The following AUTS2 variants were observed in gnomAD, a reference collection of about 807,000 sequenced individuals.
AUTS2 encodes autism susceptibility gene 2 protein.
Under a neutral mutation model 112.4 loss-of-function variants are expected in AUTS2, and 17 were observed. The observed-to-expected ratio is 0.15, with a 90% CI of 0.10 to 0.23. AUTS2 has a LOEUF of 0.23. Among genes scored for constraint, AUTS2 ranks in the 10% least tolerant of loss-of-function variants. The probability of loss-of-function intolerance (pLI) is 1.00; values close to 1 mark genes in which losing one functional copy is unlikely to be tolerated. For missense variants in AUTS2, 1,510 were observed against 1,701.6 expected (o/e 0.89, Z 1.98); for synonymous variants, 751 against 702.7 (o/e 1.07, Z -1.09).
chr7:69,786,264 C>T (rs1273399959), intron 1 of AUTS2, among the ~76,000 whole-genome samples: 2 of 152,222 alleles, frequency 1.3e-5, no homozygotes, highest in Non-Finnish European at 2.9e-5. Flanking sequence ...ATGCACCAAT[C>T]AGCACTCTGT....
chr7:69,855,102 G>A (rs564802700), intron 1 of AUTS2, among the ~76,000 whole-genome samples: 3 of 152,110 alleles, frequency 2.0e-5, no homozygotes, highest in South Asian at 2.1e-4. Flanking sequence ...TACCCCTTAC[G>A]CTGAATGCTG....
chr7:70,768,211 C>T (rs1790059033), intron 10 of AUTS2, 143 bp downstream of exon 10: 3 of 778,092 alleles, frequency 3.9e-6, no homozygotes, highest in African/African-American at 1.8e-5. Flanking sequence ...TGGATGCTTG[C>T]TTTTGTGGTG....
chr7:70,523,623 G>T (rs1799729588), intron 5 of AUTS2, among the ~76,000 whole-genome samples: 3 of 152,196 alleles, frequency 2.0e-5, no homozygotes, highest in Admixed American at 2.0e-4. Flanking sequence ...GTCTAGTGTG[G>T]CATTCAGACT....
chr7:69,948,032 A>G (rs1182968183), intron 2 of AUTS2, among the ~76,000 whole-genome samples: 2 of 152,224 alleles, frequency 1.3e-5, no homozygotes, highest in South Asian at 2.1e-4. Context: ...GCGAAGTCCT[A>G]TGTCTACATA....
chr7:70,479,889 G>A (rs1246337234), intron 5 of AUTS2, among the ~76,000 whole-genome samples: 2 of 152,214 alleles, frequency 1.3e-5, no homozygotes, highest in East Asian at 3.8e-4. Flanking sequence ...AAAGGTAAGT[G>A]CAGGACAGAT....
At chr7:69,990,730 T>C (rs528979042) in intron 2 of AUTS2, among the ~76,000 whole-genome samples, 1 of 152,330 alleles carries the variant, frequency 6.6e-6, no homozygotes, top group South Asian at 2.1e-4. Flanking sequence ...TGGGTATCCC[T>C]TATCTGAAGT....
At chr7:70,483,053 T>A (rs1160806338) in intron 5 of AUTS2, among the ~76,000 whole-genome samples, 1 of 152,068 alleles carries the variant, frequency 6.6e-6, no homozygotes, top group African/African-American at 2.4e-5. Context: ...GGGTTGGAGA[T>A]GGGGAGGGCA....
chr7:69,898,387 G>A (rs1156763595), intron 1 of AUTS2, among the ~76,000 whole-genome samples: 1 of 152,088 alleles, frequency 6.6e-6, no homozygotes, highest in Non-Finnish European at 1.5e-5. Context: ...GAGGATATTT[G>A]CATGTATGTG....
At chr7:70,368,618 A>G (rs1046642192) in intron 4 of AUTS2, among the ~76,000 whole-genome samples, 5 of 152,102 alleles carry the variant, frequency 3.3e-5, no homozygotes, top group Non-Finnish European at 7.4e-5. Context: ...CCCCTCAGAG[A>G]CCCAGCCTGA....
At chr7:69,992,913 C>G (rs1213175040) in intron 2 of AUTS2, among the ~76,000 whole-genome samples, 1 of 152,146 alleles carries the variant, frequency 6.6e-6, no homozygotes, top group Non-Finnish European at 1.5e-5. Flanking sequence ...TGTGGTTTCA[C>G]TAGAGTTATG....
chr7:69,746,005 C>T (rs1366417165), intron 1 of AUTS2, among the ~76,000 whole-genome samples: 1 of 152,008 alleles, frequency 6.6e-6, no homozygotes, highest in Non-Finnish European at 1.5e-5. Context: ...TCTTGAGTGG[C>T]TGAAACTACA....
chr7:69,915,483 T>C (rs1466464577), intron 2 of AUTS2, among the ~76,000 whole-genome samples: 1 of 152,172 alleles, frequency 6.6e-6, no homozygotes, highest in African/African-American at 2.4e-5. Context: ...CTCAGTGGCT[T>C]TCAAACTGCA....
intron 1 of AUTS2, among the ~76,000 whole-genome samples, chr7:69,707,927 T>A: frequency 6.6e-6 from 1 of 152,182 alleles, no homozygotes; most frequent in East Asian, 1.9e-4. Context: ...GCCATCCATT[T>A]TATGGTTTTG....
chr7:69,609,849 A>C (rs1392824457), intron 1 of AUTS2, among the ~76,000 whole-genome samples: 1 of 152,266 alleles, frequency 6.6e-6, no homozygotes, highest in African/African-American at 2.4e-5. Flanking sequence ...ATAGCCATTC[A>C]TATAATGAAA....
At chr7:70,125,646 T>C (rs1286431542) in intron 3 of AUTS2, among the ~76,000 whole-genome samples, 1 of 152,144 alleles carries the variant, frequency 6.6e-6, no homozygotes, top group African/African-American at 2.4e-5. Context: ...TGCCTCCCCT[T>C]ATTCTCAACT....
At chr7:70,691,817 T>G (rs947674738) in intron 5 of AUTS2, among the ~76,000 whole-genome samples, 5 of 151,614 alleles carry the variant, frequency 3.3e-5, no homozygotes, top group Admixed American at 2.0e-4. Context: ...TCTGGACACA[T>G]GCAGATCTGG....
intron 1 of AUTS2, among the ~76,000 whole-genome samples, chr7:69,684,811 T>G: frequency 6.6e-6 from 1 of 152,242 alleles, no homozygotes; most frequent in East Asian, 1.9e-4. Context: ...CCTTGTTTCC[T>G]TTTCTTTCTT....
At chr7:69,835,283 CCT>C (rs2129527947) in intron 1 of AUTS2, among the ~76,000 whole-genome samples, 1 of 152,072 alleles carries the variant, frequency 6.6e-6, no homozygotes, top group South Asian at 2.1e-4. Flanking sequence ...AAAATAATGT[CCT>C]TAACCCAGGA....
chr7:70,526,349 G>T (rs187871088), intron 5 of AUTS2, among the ~76,000 whole-genome samples: 23 of 152,248 alleles, frequency 1.5e-4, no homozygotes, highest in African/African-American at 5.5e-4. Flanking sequence ...CCTGGTGCTT[G>T]CTGGCCAGGT....
Sources: allele counts gnomAD v4.1 joint callset (sites outside exome capture counted in the v4.1 genomes callset), GRCh38; gene constraint gnomAD v4.1.1; transcripts MANE v1.5; gene names NCBI Gene and HGNC (gene_info 2026-07-23, HGNC 2026-07-21).